Variants in GLS observed in about 807,000 individuals in gnomAD.
The protein encoded by GLS is glutaminase kidney isoform, mitochondrial.
Under a neutral mutation model 86.7 loss-of-function variants are expected in GLS, and 36 were observed. That is an observed-to-expected ratio of 0.42 (90% confidence interval 0.32 to 0.55). GLS has a LOEUF of 0.55. GLS is among the 20% of genes least tolerant of loss of function. GLS has a pLI of 0.17. For missense variants in GLS, 528 were observed against 833.4 expected, an observed-to-expected ratio of 0.63 and a Z score of 4.51; for synonymous variants, 317 against 305.9, an observed-to-expected ratio of 1.04 and a Z score of -0.38.
At chr2:190,883,811 A>C (rs1451500938) in intron 1 of GLS, among the ~76,000 whole-genome samples, 1 of 152,226 alleles carries the variant, frequency 6.6e-6, no homozygotes, top group Non-Finnish European at 1.5e-5. Flanking sequence ...TCATCAGTTC[A>C]CATGGCTGGG....
intron 14 of GLS, among the ~76,000 whole-genome samples, chr2:190,940,235 A>T (rs1690386469): frequency 6.6e-6 from 1 of 152,010 alleles, no homozygotes; most frequent in South Asian, 2.1e-4. Flanking sequence ...TAATGTAAAT[A>T]AAGAATGAAC....
At chr2:190,925,797 C>T (rs1689876666) in intron 11 of GLS, among the ~76,000 whole-genome samples, 2 of 152,240 alleles carry the variant, frequency 1.3e-5, no homozygotes, top group South Asian at 4.2e-4. Context: ...TAAGGTCTAG[C>T]CTGGCCACTT....
In GLS at chr2:190,961,947, A is replaced by G. The variant is rs1420961077; in HGVS notation, c.1854-883A>G. Among the ~76,000 whole-genome samples, 4 of 152,216 alleles carry G rather than the reference A, an allele frequency of 2.6e-5. No individual in the cohort carries two copies. The South Asian group carries it at 8.3e-4, about 31-fold the overall frequency. On this transcript the variant is annotated intron_variant, in intron 17 of 17. Coordinates refer to ENST00000320717, the MANE Select transcript of GLS (RefSeq NM_014905.5). ...GATGAAGAAAGAGAGATCATCAGCC[A>G]TGGAGAATTTTGTAATGTAAGTAGA...
rs919778466 is a variant in GLS, at chr2:190,897,244, C to T, written c.605+1519C>T. Among the ~76,000 whole-genome samples the T allele has an allele frequency of 5.3e-5, 8 of 152,040 alleles. No individual in the cohort carries two copies. The highest frequency in any genetic ancestry group is 1.9e-4 in the East Asian group (1 of 5,188). On this transcript the variant is annotated intron_variant, in intron 3 of 17. Coordinates refer to ENST00000320717, the MANE Select transcript of GLS (RefSeq NM_014905.5). The surrounding 1 kb of genome is among the most constrained non-coding windows in gnomAD (Gnocchi z 4.3). ...TTCACCACGTTGTCCAGGCTGGTCT[C>T]GAACTCCTGACCTCAGGTAATCCAT...
intron 6 of GLS, among the ~76,000 whole-genome samples, chr2:190,906,555 A>G (rs1689142393): frequency 6.6e-6 from 1 of 152,340 alleles, no homozygotes; most frequent in East Asian, 1.9e-4. Flanking sequence ...AGAATAAAAC[A>G]TAAAGTTTAA....
In GLS at chr2:190,881,188, G is replaced by T. The variant is rs1428684666; in HGVS notation, c.104G>T (p.Cys35Phe). Reference sequence around the variant, plus strand: ...CGGGCACAGCCCTTGGTCACCCTGTGCCGGCGTCCCCGAGGCGGGGGACGG... The same window carrying T: ...CGGGCACAGCCCTTGGTCACCCTGTTCCGGCGTCCCCGAGGCGGGGGACGG... ...LRRAQPLVTL[C>F]RRPRGGGRPA... The change falls in exon 1 of 18, where the codon TGC (cysteine) becomes TTC (phenylalanine). Residue 35 changes from cysteine (C) to phenylalanine (F), a missense_variant. Transcript: ENST00000320717. The T allele has an allele frequency of 8.3e-6, 11 of 1,331,394 alleles. No homozygotes were observed. The highest frequency in any genetic ancestry group is 9.6e-6 in the Non-Finnish European group (10 of 1,044,324). 82.5% of individuals were successfully genotyped at this position (1,331,394 alleles called of 1,614,324 possible). A position where few individuals can be genotyped will look rare whatever the true frequency, so the allele number is the denominator to read the frequency against.
intron 7 of GLS, among the ~76,000 whole-genome samples, chr2:190,912,154 A>AT (rs1689382203): frequency 6.6e-6 from 1 of 152,146 alleles, no homozygotes; most frequent in Non-Finnish European, 1.5e-5. Context: ...TACATACAAC[A>AT]TAAGTGTGGT....
chr2:190,881,190 C>T lies in GLS; in HGVS notation c.106C>T (p.Arg36Trp). ...RRAQPLVTLCRRPRGGGRPAA... is the reference protein window; with the variant it reads ...RRAQPLVTLCWRPRGGGRPAA... ...GGCACAGCCCTTGGTCACCCTGTGC[C>T]GGCGTCCCCGAGGCGGGGGACGGCC... Residue 36 changes from arginine (R) to tryptophan (W), a missense_variant, in exon 1 of 18, where the codon CGG becomes TGG. Coordinates refer to ENST00000320717, the MANE Select transcript of GLS (RefSeq NM_014905.5). 1 of 1,320,752 alleles carries T rather than the reference C, an allele frequency of 7.6e-7. No individual in the cohort carries two copies. Among genetic ancestry groups the T allele is most frequent in the Non-Finnish European group, 9.6e-7 (1 of 1,038,712 alleles). The allele number at this position is 1,320,752 out of a possible 1,614,324, so 81.8% of individuals were successfully genotyped here.
Position 190,954,759 on chromosome 2 carries a change from T to G in GLS, c.1794T>G (p.His598Gln), listed in dbSNP as rs759674353. The change falls in exon 17 of 18, where the codon CAT becomes CAG. Residue 598 changes from histidine to glutamine, a missense_variant. Physicochemically the swap from His to Gln is conservative, Grantham distance 24. Transcript: ENST00000320717. The surrounding 1 kb of genome is among the most constrained non-coding windows in gnomAD (Gnocchi z 4.0). ...TALHVAAAEG[H>Q]VEVVKFLLEA... ...TTTGGGGGTGGGACGGTATAGGTCA[T>G]GTTGAAGTTGTTAAATTTTTGCTGG... is the stretch of plus-strand genomic sequence containing the variant. The G allele has an allele frequency of 6.2e-7, 1 of 1,613,762 alleles. No individual in the cohort carries two copies. The highest frequency in any genetic ancestry group is 2.2e-5 in the East Asian group (1 of 44,880).
At chr2:190,908,124 G>A (rs1689226624) in intron 6 of GLS, among the ~76,000 whole-genome samples, 2 of 152,126 alleles carry the variant, frequency 1.3e-5, no homozygotes, top group Admixed American at 6.5e-5. Context: ...CAACCAGATG[G>A]AGAATATTTT....
At chr2:190,959,487 C>T (rs1362336729) in intron 17 of GLS, among the ~76,000 whole-genome samples, 1 of 152,058 alleles carries the variant, frequency 6.6e-6, no homozygotes, top group African/African-American at 2.4e-5. Context: ...TTATTTTGTC[C>T]TTCAGTTGAT....
chr2:190,889,284 T>G (rs1688488615), intron 1 of GLS, among the ~76,000 whole-genome samples: 1 of 152,200 alleles, frequency 6.6e-6, no homozygotes, highest in Non-Finnish European at 1.5e-5. Context: ...TTTTTTAGAT[T>G]GAGGATTATA....
rs72907252 is a variant in GLS, at chr2:190,920,749, T to C, written c.1039-275T>C. On this transcript the variant is annotated intron_variant, in intron 7 of 17. Coordinates refer to ENST00000320717, the MANE Select transcript of GLS (RefSeq NM_014905.5). This position sits in a 1 kb window ranked among gnomAD's most constrained non-coding sequence, Gnocchi z 4.2. ...TCATGAAAGATAAGGGAATTCATGG[T>C]AACTTGTATTTAAAATTCTGTAACT... Among the ~76,000 whole-genome samples, 1 of 151,812 alleles carries C rather than the reference T, an allele frequency of 6.6e-6. No homozygotes were observed. The highest frequency in any genetic ancestry group is 1.5e-5 in the Non-Finnish European group (1 of 67,760).
intron 14 of GLS, among the ~76,000 whole-genome samples, chr2:190,948,847 G>A (rs769148606): frequency 3.3e-5 from 5 of 152,162 alleles, no homozygotes; most frequent in Non-Finnish European, 5.9e-5. Context: ...GATTTCAGGA[G>A]AATAGTATGC....
Position 190,963,212 on chromosome 2 carries a change from G to C in GLS, c.*226G>C. 2.7e-6 allele frequency: 1 copy of C among 369,006 alleles called. No homozygotes were observed. Among genetic ancestry groups the C allele is most frequent in the Non-Finnish European group, 4.9e-6 (1 of 203,894 alleles). The allele number at this position is 369,006 out of a possible 1,614,324, so 22.9% of individuals were successfully genotyped here. ...TGTGAGCAATATTACCTCGTGCATT[G>C]TATAATTTGATGTAAAAGAAATAGT... On this transcript the variant is annotated 3_prime_UTR_variant, in exon 18 of 18. Coordinates refer to ENST00000320717, the MANE Select transcript of GLS (RefSeq NM_014905.5).
intron 7 of GLS, among the ~76,000 whole-genome samples, chr2:190,917,101 G>T (rs1689562828): frequency 6.6e-6 from 1 of 152,310 alleles, no homozygotes; most frequent in African/African-American, 2.4e-5. Flanking sequence ...TCTGTAGCAT[G>T]CAATGCTGTT....
At chr2:190,927,595 A>G in intron 12 of GLS, 113 bp downstream of exon 12, 1 of 704,298 alleles carries the variant, frequency 1.4e-6, no homozygotes, top group Admixed American at 3.0e-5. Flanking sequence ...TTTGAGAGAG[A>G]GGCTTGTTTT....
chr2:190,900,069 A>G (rs899953126), intron 3 of GLS, among the ~76,000 whole-genome samples: 1 of 152,142 alleles, frequency 6.6e-6, no homozygotes, highest in Non-Finnish European at 1.5e-5. Context: ...ATCTGACTAA[A>G]CAAAGTTGAT....
At position 190,895,692 on chromosome 2, in the gene GLS, A is replaced by G; in HGVS notation, c.572A>G (p.Asp191Gly). The G allele has an allele frequency of 3.1e-6, 5 of 1,601,628 alleles. No homozygotes were observed. Among genetic ancestry groups the G allele is most frequent in the Non-Finnish European group, 3.4e-6 (4 of 1,170,732 alleles). Residue 191 changes from aspartate (D) to glycine (G), a missense_variant, in exon 3 of 18, where the codon GAT becomes GGT. Physicochemically the swap from Asp to Gly is moderately conservative, Grantham distance 94. Transcript: ENST00000320717. The surrounding 1 kb of genome is among the most constrained non-coding windows in gnomAD (Gnocchi z 4.2). ...MLRLTLQTTS[D>G]GVMLDKDLFK... ...AGATTAACTCTTCAAACAACATCAGATGGTGTCATGCTAGACAAAGATCTT... is the reference window on the plus strand; with the variant it reads ...AGATTAACTCTTCAAACAACATCAGGTGGTGTCATGCTAGACAAAGATCTT...
Sources: gnomAD v4.1 joint callset for allele counts (sites outside exome capture counted in the v4.1 genomes callset) on GRCh38, gnomAD v4.1.1 for gene constraint, Gnocchi (gnomAD v3.1) non-coding constraint, MANE v1.5 for transcripts, NCBI Gene and HGNC (gene_info 2026-07-23, HGNC 2026-07-21) for gene names.